The following SWT1 variants were observed in gnomAD, a reference collection of about 807,000 sequenced individuals.
SWT1 encodes the protein transcriptional protein SWT1.
A neutral mutation model predicts 107.3 loss-of-function variants in SWT1; 33 were observed. The ratio of observed to expected loss-of-function variants is 0.31; its 90% CI spans 0.23 to 0.41. SWT1 has a LOEUF of 0.41. SWT1 is among the 10% of genes least tolerant of loss of function. SWT1 has a pLI of 1.00. For missense variants in SWT1, 898 were observed against 1,028.9 expected (o/e 0.87, Z 1.74); for synonymous variants, 345 against 348.3 (o/e 0.99, Z 0.11).
intron 16 of SWT1, among the ~76,000 whole-genome samples, chr1:185,267,439 G>A (rs947686310): frequency 6.6e-6 from 1 of 152,166 alleles, no homozygotes; most frequent in Non-Finnish European, 1.5e-5. Flanking sequence ...TGTTCAGTAA[G>A]TCATTATGTG....
At chr1:185,224,274 A>C (rs1017807673) in intron 15 of SWT1, among the ~76,000 whole-genome samples, 4 of 151,796 alleles carry the variant, frequency 2.6e-5, no homozygotes, top group African/African-American at 9.7e-5. Flanking sequence ...TGGGCTCTCT[A>C]TTCTGTTCCG....
chr1:185,181,938 C>T lies in SWT1; in HGVS notation c.1027-8C>T, dbSNP rs376621851. ...CAAAATATTTCACTGGGGTCTTTTA[C>T]ACTTTAGATGCAGATAGTAGAAGAG... On this transcript the variant is annotated splice_polypyrimidine_tract_variant and splice_region_variant and intron_variant, in intron 6 of 18. Coordinates refer to ENST00000367500, the MANE Select transcript of SWT1 (RefSeq NM_017673.7). 5.6e-6 allele frequency: 9 copies of T among 1,613,358 alleles called. No individual in the cohort carries two copies. The African/African-American group carries it at 9.3e-5, about 17-fold the overall frequency.
chr1:185,213,928 G>A (rs1334989628), intron 13 of SWT1, among the ~76,000 whole-genome samples: 1 of 152,062 alleles, frequency 6.6e-6, no homozygotes, highest in Non-Finnish European at 1.5e-5. Flanking sequence ...AAATTCTGCA[G>A]GCTTCTTTTG....
intron 13 of SWT1, among the ~76,000 whole-genome samples, chr1:185,214,087 A>C (rs906165703): frequency 6.6e-6 from 1 of 152,110 alleles, no homozygotes; most frequent in Non-Finnish European, 1.5e-5. Flanking sequence ...TGATGACGAG[A>C]GGTACCATAT....
intron 14 of SWT1, among the ~76,000 whole-genome samples, chr1:185,217,866 G>A (rs765177138): frequency 7.9e-5 from 12 of 152,234 alleles, no homozygotes; most frequent in Admixed American, 3.3e-4. Flanking sequence ...AAAGTTCTGG[G>A]ATTACAGACA....
chr1:185,257,316 G>C (rs867238526), intron 16 of SWT1, among the ~76,000 whole-genome samples: 200 of 152,168 alleles, frequency 1.3e-3, no homozygotes, highest in African/African-American at 4.4e-3. Context: ...CACCCAGTTC[G>C]AGCTTCCTGG....
chr1:185,203,513 C>T (rs978213937), intron 11 of SWT1, among the ~76,000 whole-genome samples: 20 of 151,246 alleles, frequency 1.3e-4, no homozygotes, highest in Non-Finnish European at 1.9e-4. Context: ...CCCAGCTACT[C>T]GGGAGGCTGA....
chr1:185,178,997 G>C (rs975370395), intron 5 of SWT1, among the ~76,000 whole-genome samples: 1 of 152,120 alleles, frequency 6.6e-6, no homozygotes, highest in East Asian at 1.9e-4. Context: ...TTGTGTGGGC[G>C]CAGTGGCTCG....
At chr1:185,220,429 G>T (rs1259816496) in intron 14 of SWT1, among the ~76,000 whole-genome samples, 2 of 151,740 alleles carry the variant, frequency 1.3e-5, no homozygotes, top group East Asian at 3.9e-4. Flanking sequence ...GCACTTGGTG[G>T]TGTCTATCCT....
At chr1:185,192,378 G>C (rs1345730201) in intron 10 of SWT1, among the ~76,000 whole-genome samples, 1 of 152,102 alleles carries the variant, frequency 6.6e-6, no homozygotes, top group Admixed American at 6.5e-5. Flanking sequence ...CCAGAAACCA[G>C]GGAGTAAATT....
intron 16 of SWT1, among the ~76,000 whole-genome samples, chr1:185,233,935 CG>C (rs1660678713): frequency 6.6e-6 from 1 of 151,960 alleles, no homozygotes; most frequent in African/African-American, 2.4e-5. Flanking sequence ...TAGTAGAGAC[CG>C]GGTTTCACCA....
chr1:185,223,009 A>G (rs1659788162), intron 15 of SWT1, among the ~76,000 whole-genome samples: 1 of 152,186 alleles, frequency 6.6e-6, no homozygotes, highest in South Asian at 2.1e-4. Flanking sequence ...TACAGCAGAC[A>G]CAGGAGTGCA....
At chr1:185,263,129 G>A in intron 16 of SWT1, 1 of 152,142 alleles carries the variant, frequency 6.6e-6, no homozygotes, top group Non-Finnish European at 1.5e-5. Flanking sequence ...GATTGTATTA[G>A]GGCTCATGCC....
chr1:185,182,330 T>C (rs1656087485), intron 7 of SWT1, among the ~76,000 whole-genome samples: 1 of 152,198 alleles, frequency 6.6e-6, no homozygotes, highest in African/African-American at 2.4e-5. Context: ...TTATTCTTGC[T>C]GTTATAACTT....
At chr1:185,252,314 G>C (rs1662101012) in intron 16 of SWT1, among the ~76,000 whole-genome samples, 1 of 152,072 alleles carries the variant, frequency 6.6e-6, no homozygotes, top group African/African-American at 2.4e-5. Flanking sequence ...GGATGGCTGG[G>C]TCAAATGGTA....
chr1:185,193,449 T>G (rs1196922443), intron 10 of SWT1, among the ~76,000 whole-genome samples: 1 of 151,610 alleles, frequency 6.6e-6, no homozygotes, highest in African/African-American at 2.4e-5. Flanking sequence ...ATAACCTTAC[T>G]GGCCTACTTT....
At chr1:185,245,370 T>A (rs917270337) in intron 16 of SWT1, among the ~76,000 whole-genome samples, 5 of 152,150 alleles carry the variant, frequency 3.3e-5, no homozygotes, top group African/African-American at 1.2e-4. Context: ...CACTGGAAGG[T>A]CCTCAGAGAT....
intron 13 of SWT1, among the ~76,000 whole-genome samples, chr1:185,211,911 A>G (rs1327578802): frequency 2.6e-5 from 4 of 152,204 alleles, no homozygotes; most frequent in South Asian, 2.1e-4. Context: ...TTGTAGGGAC[A>G]TGGATGAAAC....
intron 15 of SWT1, among the ~76,000 whole-genome samples, chr1:185,229,498 T>C (rs777409872): frequency 2.0e-5 from 3 of 151,996 alleles, no homozygotes; most frequent in Non-Finnish European, 4.4e-5. Context: ...TATAAATCTA[T>C]ATAAAAATTA....
Sources: allele counts gnomAD v4.1 joint callset (sites outside exome capture counted in the v4.1 genomes callset), GRCh38; gene constraint gnomAD v4.1.1; transcripts MANE v1.5; gene names NCBI Gene and HGNC (gene_info 2026-07-23, HGNC 2026-07-21).